COG7: variants seen among roughly 807,000 people sequenced by gnomAD.
The protein encoded by COG7 is component of oligomeric golgi complex 7, also known as conserved oligomeric Golgi complex subunit 7.
COG7 carries 49 observed loss-of-function variants against 91.5 expected under a neutral mutation model. That is an observed-to-expected ratio of 0.54 (90% confidence interval 0.43 to 0.68). COG7 has a LOEUF of 0.68. Among genes scored for constraint, COG7 ranks in the 30% least tolerant of loss-of-function variants. COG7 has a pLI of 0.00. For missense variants in COG7, 895 were observed against 961.3 expected, an observed-to-expected ratio of 0.93 and a Z score of 0.91; for synonymous variants, 365 against 388.7, an observed-to-expected ratio of 0.94 and a Z score of 0.72.
rs1596929365 is a variant in COG7, at chr16:23,416,766, CTAATGGG to C, written c.1292+194_1292+200del. The C allele has an allele frequency of 1.1e-5, 7 of 637,258 alleles. No individual in the cohort carries two copies. The East Asian group carries it at 1.9e-4, about 18-fold the overall frequency. The allele number at this position is 637,258 out of a possible 1,614,324, so 39.5% of individuals were successfully genotyped here. A position where few individuals can be genotyped will look rare whatever the true frequency, so the allele number is the denominator to read the frequency against. ...TATGTCACATCTTAAGTAACCTTCC[CTAATGGG>C]TAGACATTTACGTTGTTTCAAATGT... On this transcript the variant is annotated intron_variant, in intron 9 of 16. Transcript: ENST00000307149.
intron 4 of COG7, among the ~76,000 whole-genome samples, chr16:23,439,563 T>C (rs951917838): frequency 2.6e-5 from 4 of 152,194 alleles, no homozygotes; most frequent in Non-Finnish European, 5.9e-5. Flanking sequence ...TGCTACACCA[T>C]GGATGAGCTT....
chr16:23,411,841 T>A (rs550630864), intron 10 of COG7, among the ~76,000 whole-genome samples: 6 of 151,296 alleles, frequency 4.0e-5, no homozygotes, highest in Admixed American at 6.6e-5. Flanking sequence ...GGAAAATATA[T>A]CCAGGAAGAA....
At position 23,388,748 on chromosome 16, in the gene COG7, G is replaced by T. The variant is rs1216772696; in HGVS notation, c.*172C>A. Reference sequence around the variant, plus strand: ...AACTCCTGGCTTCATGATCCATCTGGCTTGGCCTCCCAAAGTGCTGGGATT... The same window carrying T: ...AACTCCTGGCTTCATGATCCATCTGTCTTGGCCTCCCAAAGTGCTGGGATT... On this transcript the variant is annotated 3_prime_UTR_variant, in exon 17 of 17. Transcript: ENST00000307149. 7.5e-6 allele frequency: 9 copies of T among 1,198,890 alleles called. No homozygotes were observed. The highest frequency in any genetic ancestry group is 9.0e-6 in the Non-Finnish European group (8 of 887,734). 74.3% of individuals were successfully genotyped at this position (1,198,890 alleles called of 1,614,324 possible).
rs563549596 is a variant in COG7, at chr16:23,416,788, G to T, written c.1292+179C>A. ...TCCCTAATGGGTAGACATTTACGTT[G>T]TTTCAAATGTTCCACCATTACAAAC... On this transcript the variant is annotated intron_variant, in intron 9 of 16. Transcript: ENST00000307149. The T allele has an allele frequency of 9.7e-5, 69 of 710,690 alleles. No individual in the cohort carries two copies. In the African/African-American group the frequency reaches 1.1e-3, roughly 11 times the overall value. The allele number at this position is 710,690 out of a possible 1,614,324, so 44.0% of individuals were successfully genotyped here.
intron 6 of COG7, among the ~76,000 whole-genome samples, chr16:23,426,221 A>G (rs1022518460): frequency 6.6e-6 from 1 of 152,220 alleles, no homozygotes; most frequent in Non-Finnish European, 1.5e-5. Context: ...GTCTCAAAAC[A>G]AAAGAAACAA....
intron 8 of COG7, 160 bp from the exon 9 acceptor site, chr16:23,417,281 G>A: frequency 1.4e-6 from 1 of 736,962 alleles, no homozygotes; most frequent in South Asian, 1.6e-5. Flanking sequence ...CCTGAATCAA[G>A]GGAGAACAGT....
chr16:23,448,308 A>G (rs1286606531), intron 1 of COG7, among the ~76,000 whole-genome samples: 1 of 152,076 alleles, frequency 6.6e-6, no homozygotes, highest in East Asian at 1.9e-4. Context: ...CAAAAGTGTG[A>G]TTCTCTAATA....
At position 23,393,359 on chromosome 16, in the gene COG7, G is replaced by GA; in HGVS notation, c.1888-13dup. 2 of 1,595,066 alleles carry GA rather than the reference G, an allele frequency of 1.3e-6. No homozygotes were observed. Among genetic ancestry groups the GA allele is most frequent in the Non-Finnish European group, 8.6e-7 (1 of 1,162,714 alleles). On this transcript the variant is annotated splice_polypyrimidine_tract_variant and intron_variant, in intron 14 of 16. Transcript: ENST00000307149. Reference sequence around the variant, plus strand: ...ATGTACTGCCCGATCTGAAACAAAAGAAAGCGCTGTTAGCCTGACATTGAC... The same window carrying GA: ...ATGTACTGCCCGATCTGAAACAAAAGAAAAGCGCTGTTAGCCTGACATTGAC...
chr16:23,439,304 CAAA>C (rs904010571), intron 4 of COG7, among the ~76,000 whole-genome samples: 3 of 38,834 alleles, frequency 7.7e-5, no homozygotes, highest in South Asian at 7.9e-4. Flanking sequence ...ACTGTGTCTC[CAAA>C]AAAAAAAAAA....
At chr16:23,392,924 C>G (rs1963224137) in intron 15 of COG7, among the ~76,000 whole-genome samples, 1 of 152,150 alleles carries the variant, frequency 6.6e-6, no homozygotes, top group South Asian at 2.1e-4. Flanking sequence ...CAGCAAGACT[C>G]TGTCTCAATA....
At position 23,393,367 on chromosome 16, in the gene COG7, T is replaced by G; in HGVS notation, c.1888-20A>C. 1.3e-6 allele frequency: 2 copies of G among 1,561,786 alleles called. No individual in the cohort carries two copies. Among genetic ancestry groups the G allele is most frequent in the Non-Finnish European group, 1.8e-6 (2 of 1,132,304 alleles). On this transcript the variant is annotated intron_variant, in intron 14 of 16. Coordinates refer to ENST00000307149, the MANE Select transcript of COG7 (RefSeq NM_153603.4). The stretch of plus-strand genomic sequence containing the variant: ...CCCGATCTGAAACAAAAGAAAGCGC[T>G]GTTAGCCTGACATTGACACATACGG...
intron 9 of COG7, chr16:23,416,355 A>G (rs1316310102): frequency 6.4e-6 from 1 of 155,980 alleles, no homozygotes; most frequent in East Asian, 1.9e-4. Context: ...GCAGGAACAC[A>G]TTCAGGCTCA....
chr16:23,406,096 C>T lies in COG7; in HGVS notation c.1642G>A (p.Glu548Lys). Residue 548 changes from glutamate (E) to lysine (K), a missense_variant, in exon 12 of 17, where the codon GAA (glutamate) becomes AAA (lysine). Coordinates refer to ENST00000307149, the MANE Select transcript of COG7 (RefSeq NM_153603.4). ...CATACCTTAAGGGTATAAAGTATTTCCATTAAACTGGCATATTCAGCAGGG... is the reference window on the plus strand; with the variant it reads ...CATACCTTAAGGGTATAAAGTATTTTCATTAAACTGGCATATTCAGCAGGG... ...DNPAEYASLM[E>K]ILYTLKEKGS... The T allele has an allele frequency of 6.2e-7, 1 of 1,614,060 alleles. No homozygotes were observed. The highest frequency in any genetic ancestry group is 1.1e-5 in the South Asian group (1 of 91,082).
Position 23,453,104 on chromosome 16 carries a change from C to A in COG7, c.-110G>T, listed in dbSNP as rs1964294098. 6.5e-7 allele frequency: 1 copy of A among 1,543,828 alleles called. No homozygotes were observed. Among genetic ancestry groups the A allele is most frequent in the Non-Finnish European group, 8.8e-7 (1 of 1,142,530 alleles). On this transcript the variant is annotated 5_prime_UTR_variant, in exon 1 of 17. Transcript: ENST00000307149. ...AGAGCACCGAGGCTAGCCTCCGAGG[C>A]GAACCCCAGAAACGCCAGGACGGGT...
chr16:23,452,956 C>G lies in COG7; in HGVS notation c.39G>C (p.Val13=). Residue 13 remains valine (V), a synonymous_variant, in exon 1 of 17, where the codon GTG becomes GTC. Coordinates refer to ENST00000307149, the MANE Select transcript of COG7 (RefSeq NM_153603.4). The part of the protein sequence containing the change: ...FSKFLADDFD[V]KEWINAAFRA... ...TGAAGGCCGCATTGATCCACTCCTTCACGTCGAAGTCGTCTGCCAGGAACT... is the reference window on the plus strand; with the variant it reads ...TGAAGGCCGCATTGATCCACTCCTTGACGTCGAAGTCGTCTGCCAGGAACT... The G allele has an allele frequency of 6.2e-7, 1 of 1,614,118 alleles. No homozygotes were observed. The highest frequency in any genetic ancestry group is 8.5e-7 in the Non-Finnish European group (1 of 1,179,962).
intron 4 of COG7, among the ~76,000 whole-genome samples, chr16:23,436,337 G>A (rs1261094742): frequency 6.6e-6 from 1 of 152,180 alleles, no homozygotes; most frequent in African/African-American, 2.4e-5. Flanking sequence ...TATATAAAAT[G>A]AACTGGGCAT....
In COG7 at chr16:23,406,197, T is replaced by C. The variant is rs1475553538; in HGVS notation, c.1541A>G (p.Gln514Arg). 1.2e-6 allele frequency: 2 copies of C among 1,614,092 alleles called. No individual in the cohort carries two copies. The highest frequency in any genetic ancestry group is 3.3e-5 in the Admixed American group (2 of 59,998). The change falls in exon 12 of 17, where the codon CAG (glutamine) becomes CGG (arginine). Residue 514 changes from glutamine (Q) to arginine (R), a missense_variant. Coordinates refer to ENST00000307149, the MANE Select transcript of COG7 (RefSeq NM_153603.4). ...CTTCTTGTCTGTCAAGATGCTCTCC[T>C]GAAAACCAGCCAGGCTCCGGGGGCT... ...SCSPRSLAGF[Q>R]ESILTDKKNS...
At chr16:23,407,994 G>C (rs1282660801) in intron 11 of COG7, among the ~76,000 whole-genome samples, 5 of 148,902 alleles carry the variant, frequency 3.4e-5, no homozygotes, top group African/African-American at 1.2e-4. Flanking sequence ...GCTCTTTGAG[G>C]GCGAGGATTG....
chr16:23,428,348 C>CAAAAAAT (rs1014832176), intron 6 of COG7, among the ~76,000 whole-genome samples: 3 of 150,344 alleles, frequency 2.0e-5, no homozygotes, highest in African/African-American at 4.9e-5. Context: ...GACTCTGTCT[C>CAAAAAAT]AAAAAATAAA....
Sources: allele counts gnomAD v4.1 joint callset (sites outside exome capture counted in the v4.1 genomes callset), GRCh38; gene constraint gnomAD v4.1.1; transcripts MANE v1.5; gene names NCBI Gene and HGNC (gene_info 2026-07-23, HGNC 2026-07-21).